CNTNAP5: variants seen among roughly 807,000 people sequenced by gnomAD.
The protein encoded by CNTNAP5 is contactin associated protein family member 5, also known as contactin-associated protein-like 5.
In CNTNAP5, 72 loss-of-function variants were observed where a neutral mutation model predicts 150.2. That is an observed-to-expected ratio of 0.48 (90% CI 0.40 to 0.58). The LOEUF is 0.58. Ranked by LOEUF, CNTNAP5 falls within the 20% of genes least tolerant of loss-of-function variation. The pLI is 0.00. For synonymous variants in CNTNAP5, 672 were observed against 619.8 expected (o/e 1.08, Z -1.25); for missense variants, 1,636 against 1,626.2 (o/e 1.01, Z -0.10).
chr2:124,661,044 G>A (rs1678578869), intron 13 of CNTNAP5, among the ~76,000 whole-genome samples: 1 of 150,188 alleles, frequency 6.7e-6, no homozygotes, highest in African/African-American at 2.5e-5. Context: ...AGTTGCTCTG[G>A]GTGAGGCAGA....
chr2:124,403,842 C>T (rs1573970008), intron 3 of CNTNAP5, among the ~76,000 whole-genome samples: 3 of 152,244 alleles, frequency 2.0e-5, no homozygotes. Flanking sequence ...TGGAAGAAGG[C>T]TAAGAAGGAC....
Position 124,917,342 on chromosome 2 carries a change from A to G in CNTNAP5, c.*3054A>G, listed in dbSNP as rs1678791609. On this transcript the variant is annotated 3_prime_UTR_variant, in exon 24 of 24. Transcript: ENST00000682447. ...ATATTTTTTTCCACCAAACAAATCT[A>G]TTTATGTAAGCAACAGTATATTTGC... Among the ~76,000 whole-genome samples the G allele has an allele frequency of 1.3e-5, 2 of 152,136 alleles. No homozygotes were observed. The highest frequency in any genetic ancestry group is 4.8e-5 in the African/African-American group (2 of 41,456).
At chr2:124,247,098 G>C (rs917663994) in intron 3 of CNTNAP5, among the ~76,000 whole-genome samples, 3 of 152,068 alleles carry the variant, frequency 2.0e-5, no homozygotes, top group African/African-American at 7.2e-5. Flanking sequence ...TTTCATCCTT[G>C]AGTGACTTCC....
At chr2:124,472,955 G>A (rs577481679) in intron 6 of CNTNAP5, among the ~76,000 whole-genome samples, 1 of 151,978 alleles carries the variant, frequency 6.6e-6, no homozygotes, top group South Asian at 2.1e-4. Flanking sequence ...ATAAAACAAG[G>A]TATTGCCTGT....
chr2:124,359,526 A>G (rs1690135994), intron 3 of CNTNAP5, among the ~76,000 whole-genome samples: 1 of 150,450 alleles, frequency 6.6e-6, no homozygotes, highest in African/African-American at 2.5e-5. Context: ...GTTGGTTTCA[A>G]AGAACATCTT....
At chr2:124,803,098 G>C (rs1248658565) in intron 19 of CNTNAP5, among the ~76,000 whole-genome samples, 2 of 144,672 alleles carry the variant, frequency 1.4e-5, no homozygotes, top group East Asian at 2.0e-4. Context: ...CTGGGCGACA[G>C]AGCAAGACTC....
chr2:124,349,215 C>A (rs1689811606), intron 3 of CNTNAP5, among the ~76,000 whole-genome samples: 1 of 152,200 alleles, frequency 6.6e-6, no homozygotes, highest in Non-Finnish European at 1.5e-5. Flanking sequence ...CTACTACACG[C>A]CTAGGCTGTA....
chr2:124,729,921 C>T (rs1390976155), intron 13 of CNTNAP5, among the ~76,000 whole-genome samples: 1 of 152,106 alleles, frequency 6.6e-6, no homozygotes, highest in Non-Finnish European at 1.5e-5. Flanking sequence ...TTAACTATTT[C>T]TGTCAGCTGA....
chr2:124,465,559 G>T (rs1693358419), intron 6 of CNTNAP5, among the ~76,000 whole-genome samples: 1 of 152,124 alleles, frequency 6.6e-6, no homozygotes, highest in South Asian at 2.1e-4. Context: ...ACAAATATCT[G>T]TTGAATCTAT....
rs918717005 is a variant in CNTNAP5 at position 124,915,022 on chromosome 2, C to G, written c.*734C>G. ...GATGCATGGAAATAGCAGCTTGAAA[C>G]TAGGAGGTAACAAGAAAGCTTCTAG... is the stretch of plus-strand genomic sequence containing the variant. On this transcript the variant is annotated 3_prime_UTR_variant, in exon 24 of 24. Coordinates refer to ENST00000682447, the MANE Select transcript of CNTNAP5 (RefSeq NM_001367498.1). 1.9e-5 allele frequency: 3 copies of G among 154,216 alleles called. No homozygotes were observed. The highest frequency in any genetic ancestry group is 2.9e-5 in the Non-Finnish European group (2 of 67,980). The allele number at this position is 154,216 out of a possible 1,614,324, so 9.6% of individuals were successfully genotyped here.
At chr2:124,093,246 C>T (rs924563984) in intron 1 of CNTNAP5, among the ~76,000 whole-genome samples, 2 of 152,166 alleles carry the variant, frequency 1.3e-5, no homozygotes, top group African/African-American at 4.8e-5. Flanking sequence ...TTGGCAAGTC[C>T]TTTGGCTTTT....
At chr2:124,457,585 T>C (rs1009812385) in intron 6 of CNTNAP5, among the ~76,000 whole-genome samples, 1 of 152,182 alleles carries the variant, frequency 6.6e-6, no homozygotes, top group Non-Finnish European at 1.5e-5. Context: ...ATGTATAGGA[T>C]GTGCAGATTT....
chr2:124,383,114 A>T (rs2104740065), intron 3 of CNTNAP5, among the ~76,000 whole-genome samples: 1 of 152,266 alleles, frequency 6.6e-6, no homozygotes, highest in South Asian at 2.1e-4. Context: ...GCCAAGAATC[A>T]CAATGACCCG....
At chr2:124,631,977 G>A (rs180759230) in intron 12 of CNTNAP5, among the ~76,000 whole-genome samples, 1 of 152,064 alleles carries the variant, frequency 6.6e-6, no homozygotes, top group Non-Finnish European at 1.5e-5. Flanking sequence ...CAACATCACT[G>A]ATCATTAGAG....
intron 3 of CNTNAP5, among the ~76,000 whole-genome samples, chr2:124,395,366 G>A (rs1320258313): frequency 6.6e-6 from 1 of 152,048 alleles, no homozygotes; most frequent in East Asian, 1.9e-4. Context: ...GTCCACTGCG[G>A]GCAACTTACT....
At chr2:124,133,703 G>T (rs552898111) in intron 1 of CNTNAP5, among the ~76,000 whole-genome samples, 1 of 152,158 alleles carries the variant, frequency 6.6e-6, no homozygotes, top group East Asian at 2.0e-4. Context: ...GAACAGATCT[G>T]TGATTATGTC....
Position 124,772,791 on chromosome 2 carries a change from G to A in CNTNAP5, c.2534-8G>A, listed in dbSNP as rs777216537. The stretch of plus-strand genomic sequence containing the variant: ...CTCTATCCTTCCTGTTTTCCTTTCC[G>A]GTTTCAGCTCCTTCAGAGATCACCT... On this transcript the variant is annotated splice_region_variant and splice_polypyrimidine_tract_variant and intron_variant, in intron 16 of 23. Coordinates refer to ENST00000682447, the MANE Select transcript of CNTNAP5 (RefSeq NM_001367498.1). The A allele has an allele frequency of 1.2e-5, 19 of 1,612,344 alleles. No homozygotes were observed. The East Asian group carries it at 1.6e-4, about 13-fold the overall frequency.
chr2:124,682,222 C>T (rs1447138389), intron 13 of CNTNAP5, among the ~76,000 whole-genome samples: 1 of 152,178 alleles, frequency 6.6e-6, no homozygotes, highest in Non-Finnish European at 1.5e-5. Context: ...CTCTGATCTT[C>T]TCCAAAATTT....
chr2:124,594,731 A>G lies in CNTNAP5; in HGVS notation c.1757-15070A>G, dbSNP rs1412333313. ...GAATCTGTAAATTACCTTGGGCAGT[A>G]TGGCCATTTTCACGATATTGATTCT... On this transcript the variant is annotated intron_variant, in intron 11 of 23. Transcript: ENST00000682447. 1.3e-4 allele frequency among the ~76,000 whole-genome samples: 17 copies of G among 135,014 alleles called. No individual in the cohort carries two copies. In the Admixed American group the frequency reaches 1.4e-3, roughly 11 times the overall value. 88.6% of individuals were successfully genotyped at this position (135,014 alleles called of 152,430 possible).
Sources: gnomAD v4.1 joint callset for allele counts (sites outside exome capture counted in the v4.1 genomes callset) on GRCh38, gnomAD v4.1.1 for gene constraint, MANE v1.5 for transcripts, NCBI Gene and HGNC (gene_info 2026-07-23, HGNC 2026-07-21) for gene names.